NKAIN2: variants seen among roughly 807,000 people sequenced by gnomAD.
NKAIN2 encodes the protein sodium/potassium transporting ATPase interacting 2, also known as sodium/potassium-transporting ATPase subunit beta-1-interacting protein 2.
A neutral mutation model predicts 32.6 loss-of-function variants in NKAIN2; 14 were observed. The ratio of observed to expected loss-of-function variants is 0.43; its 90% CI spans 0.28 to 0.67. The LOEUF (loss-of-function observed/expected upper bound fraction) is 0.67. NKAIN2 is among the 30% of genes least tolerant of loss of function. NKAIN2 has a pLI of 0.17. For missense variants in NKAIN2, 198 were observed against 258.3 expected, an observed-to-expected ratio of 0.77 and a Z score of 1.60; for synonymous variants, 80 against 87.2, an observed-to-expected ratio of 0.92 and a Z score of 0.46.
chr6:124,805,583 A>G (rs1418458383), intron 5 of NKAIN2, among the ~76,000 whole-genome samples: 1 of 152,222 alleles, frequency 6.6e-6, no homozygotes, highest in Non-Finnish European at 1.5e-5. Context: ...AAAGCAGAGC[A>G]TCTCTCCTCC....
chr6:124,024,325 G>T (rs1462779361), intron 1 of NKAIN2, among the ~76,000 whole-genome samples: 1 of 152,106 alleles, frequency 6.6e-6, no homozygotes, highest in Non-Finnish European at 1.5e-5. Flanking sequence ...TAACATCACT[G>T]AATGGCCTTT....
At chr6:124,218,355 G>C (rs948500022) in intron 1 of NKAIN2, among the ~76,000 whole-genome samples, 1 of 151,990 alleles carries the variant, frequency 6.6e-6, no homozygotes, top group Non-Finnish European at 1.5e-5. Context: ...TTTCATTTGA[G>C]GTTATTCTCA....
chr6:123,822,626 C>A (rs543155309), intron 1 of NKAIN2, among the ~76,000 whole-genome samples: 3 of 152,140 alleles, frequency 2.0e-5, no homozygotes, highest in African/African-American at 7.2e-5. Context: ...CATGATCCTC[C>A]CATTCAGATT....
intron 2 of NKAIN2, among the ~76,000 whole-genome samples, chr6:124,319,340 T>C (rs1797081387): frequency 6.6e-6 from 1 of 152,208 alleles, no homozygotes; most frequent in South Asian, 2.1e-4. Context: ...CAAATGCTGG[T>C]TTCATACCTA....
chr6:123,824,668 G>A (rs143423578), intron 1 of NKAIN2, among the ~76,000 whole-genome samples: 9 of 151,660 alleles, frequency 5.9e-5, no homozygotes, highest in African/African-American at 1.9e-4. Flanking sequence ...AAACCACCAT[G>A]GCACATGTAT....
rs186976770 is a variant in NKAIN2 at position 123,914,301 on chromosome 6, G to A, written c.54+110047G>A. On this transcript the variant is annotated intron_variant, in intron 1 of 6. Coordinates refer to ENST00000368417, the MANE Select transcript of NKAIN2 (RefSeq NM_001040214.3). The stretch of plus-strand genomic sequence containing the variant: ...AGAGACAGTCAGAGAGAGGGAGAGA[G>A]GGAGGGAGAAAGAGGGAGAAAAGAT... 3.2e-4 allele frequency among the ~76,000 whole-genome samples: 49 copies of A among 152,110 alleles called. 1 individual carries two copies. The East Asian group carries it at 8.7e-3, about 27-fold the overall frequency.
At chr6:123,866,892 G>T (rs1402323696) in intron 1 of NKAIN2, among the ~76,000 whole-genome samples, 3 of 151,956 alleles carry the variant, frequency 2.0e-5, no homozygotes, top group Admixed American at 2.0e-4. Context: ...CCATAAACTT[G>T]GTATTTTTAG....
At chr6:123,853,833 C>T (rs562540729) in intron 1 of NKAIN2, among the ~76,000 whole-genome samples, 24 of 150,536 alleles carry the variant, frequency 1.6e-4, no homozygotes, top group South Asian at 1.0e-3. Context: ...AGTGCAGTGG[C>T]GCTATCTCAG....
intron 4 of NKAIN2, among the ~76,000 whole-genome samples, chr6:124,772,738 G>A (rs927789715): frequency 2.6e-5 from 4 of 152,092 alleles, no homozygotes; most frequent in African/African-American, 9.7e-5. Context: ...AAGCAAAGAG[G>A]GCTTAAGAGA....
At chr6:123,812,635 A>C (rs539184201) in intron 1 of NKAIN2, among the ~76,000 whole-genome samples, 3 of 152,220 alleles carry the variant, frequency 2.0e-5, no homozygotes, top group Non-Finnish European at 4.4e-5. Context: ...TTGCAGAAGC[A>C]CTTTCGTTTT....
At chr6:124,168,496 T>C (rs1788685760) in intron 1 of NKAIN2, among the ~76,000 whole-genome samples, 3 of 152,144 alleles carry the variant, frequency 2.0e-5, no homozygotes, top group Admixed American at 2.0e-4. Context: ...GTTATAATTT[T>C]TTCTTTTGTG....
chr6:124,557,495 A>G (rs1477170083), intron 3 of NKAIN2, among the ~76,000 whole-genome samples: 2 of 152,196 alleles, frequency 1.3e-5, no homozygotes, highest in Non-Finnish European at 2.9e-5. Context: ...TAAGGAAAAC[A>G]AAACAAAAAA....
At chr6:124,683,141 C>T (rs760718765) in intron 4 of NKAIN2, among the ~76,000 whole-genome samples, 6 of 152,142 alleles carry the variant, frequency 3.9e-5, no homozygotes, top group African/African-American at 1.4e-4. Flanking sequence ...TGAATATCAC[C>T]GGTGCCATTA....
At chr6:123,895,421 G>A (rs2114391338) in intron 1 of NKAIN2, among the ~76,000 whole-genome samples, 1 of 152,232 alleles carries the variant, frequency 6.6e-6, no homozygotes, top group African/African-American at 2.4e-5. Context: ...GACTGGCATA[G>A]TTTCTTGTTT....
chr6:124,634,781 G>T (rs1191488265), intron 3 of NKAIN2, among the ~76,000 whole-genome samples: 2 of 151,884 alleles, frequency 1.3e-5, no homozygotes, highest in Non-Finnish European at 2.9e-5. Context: ...TCTCTATGAG[G>T]TATATTATAA....
intron 3 of NKAIN2, among the ~76,000 whole-genome samples, chr6:124,528,081 A>G (rs1779386415): frequency 6.6e-6 from 1 of 152,182 alleles, no homozygotes; most frequent in South Asian, 2.1e-4. Flanking sequence ...TGTGCTGTGG[A>G]AGATCAGCAG....
intron 5 of NKAIN2, among the ~76,000 whole-genome samples, chr6:124,795,485 C>CT (rs559755635): frequency 2.6e-5 from 4 of 152,238 alleles, no homozygotes; most frequent in Admixed American, 1.3e-4. Flanking sequence ...TGCCTGAGAA[C>CT]TTTTTTCCCT....
intron 2 of NKAIN2, among the ~76,000 whole-genome samples, chr6:124,354,604 A>C (rs564451443): frequency 6.6e-6 from 1 of 152,122 alleles, no homozygotes; most frequent in African/African-American, 2.4e-5. Flanking sequence ...ATCCTTGACA[A>C]CTTGGGGAAA....
chr6:124,332,631 G>T (rs142860041), intron 2 of NKAIN2, among the ~76,000 whole-genome samples: 220 of 151,950 alleles, frequency 1.4e-3, no homozygotes, highest in African/African-American at 5.0e-3. Context: ...CTTTATTAAA[G>T]AATTCTTGTA....
Sources: allele counts gnomAD v4.1 joint callset (sites outside exome capture counted in the v4.1 genomes callset), GRCh38; gene constraint gnomAD v4.1.1; transcripts MANE v1.5; gene names NCBI Gene and HGNC (gene_info 2026-07-23, HGNC 2026-07-21).